MMP24: variants seen among roughly 807,000 people sequenced by gnomAD.
MMP24 encodes the protein matrix metallopeptidase 24, also known as matrix metalloproteinase-24.
A neutral mutation model predicts 62.8 loss-of-function variants in MMP24; 25 were observed. The observed-to-expected ratio is 0.40, with a 90% CI of 0.29 to 0.56. The LOEUF is 0.56. MMP24 is among the 20% of genes least tolerant of loss of function. The pLI is 0.50. For missense variants in MMP24, 634 were observed against 853.6 expected (o/e 0.74, Z 3.21); for synonymous variants, 319 against 350.5 (o/e 0.91, Z 1.00).
At position 35,276,812 on chromosome 20, in the gene MMP24, T is replaced by G. The variant is rs2060710884; in HGVS notation, c.*2203T>G. 1 of 153,052 alleles carries G rather than the reference T, an allele frequency of 6.5e-6. No homozygotes were observed. Among genetic ancestry groups the G allele is most frequent in the African/African-American group, 2.4e-5 (1 of 41,490 alleles). The allele number at this position is 153,052 out of a possible 1,614,324, so 9.5% of individuals were successfully genotyped here. ...GCTTCCAATCTCAGATTCTCCTGCC[T>G]GTGGTCATCTGTTTGTCCATCACCC... On this transcript the variant is annotated 3_prime_UTR_variant, in exon 9 of 9. Coordinates refer to ENST00000246186, the MANE Select transcript of MMP24 (RefSeq NM_006690.4).
chr20:35,274,074 C>G lies in MMP24; in HGVS notation c.1601-198C>G, dbSNP rs1187953429. ...TGGTTTCCTAGCACCCGTAGGATGA[C>G]AGGCGGACCACTCCAGGTCCCGGGT... On this transcript the variant is annotated intron_variant, in intron 8 of 8. Transcript: ENST00000246186. This position sits in a 1 kb window ranked among gnomAD's most constrained non-coding sequence, Gnocchi z 5.1. Among the ~76,000 whole-genome samples, 2 of 152,176 alleles carry G rather than the reference C, an allele frequency of 1.3e-5. No individual in the cohort carries two copies. Among genetic ancestry groups the G allele is most frequent in the African/African-American group, 4.8e-5 (2 of 41,448 alleles).
At chr20:35,253,270 C>CTTTTTTTTTTTTTTTTTTTTTTTT (rs34474017) in intron 3 of MMP24, among the ~76,000 whole-genome samples, 1 of 79,078 alleles carries the variant, frequency 1.3e-5, no homozygotes, top group African/African-American at 5.8e-5. Flanking sequence ...CAGAACGGGA[C>CTTTTTTTTTTTTTTTTTTTTTTTT]TTTTTTTTTT....
At chr20:35,258,947 A>AGGG (rs370996354) in intron 4 of MMP24, among the ~76,000 whole-genome samples, 66 of 152,058 alleles carry the variant, frequency 4.3e-4, no homozygotes, top group African/African-American at 1.4e-3. Flanking sequence ...TGGGAGGCCG[A>AGGG]GGGGGGGCAG....
chr20:35,244,493 T>A (rs1457472236), intron 1 of MMP24, among the ~76,000 whole-genome samples: 1 of 152,122 alleles, frequency 6.6e-6, no homozygotes, highest in East Asian at 1.9e-4. Flanking sequence ...CCAGCTCGAG[T>A]GTAATGGCGT....
intron 4 of MMP24, among the ~76,000 whole-genome samples, chr20:35,262,244 C>T (rs1171015585): frequency 6.6e-6 from 1 of 152,120 alleles, no homozygotes; most frequent in Non-Finnish European, 1.5e-5. Flanking sequence ...ACCCAGGGAA[C>T]CAGCGCTCAC....
chr20:35,271,714 C>T lies in MMP24; in HGVS notation c.1479C>T (p.Gly493=), dbSNP rs781727315. 1.7e-5 allele frequency: 27 copies of T among 1,606,568 alleles called. No homozygotes were observed. Among genetic ancestry groups the T allele is most frequent in the South Asian group, 4.5e-5 (4 of 89,618 alleles). Residue 493 remains glycine, a synonymous_variant, in exon 8 of 9, where the codon GGC becomes GGT. Transcript: ENST00000246186. The surrounding 1 kb of genome is among the most constrained non-coding windows in gnomAD (Gnocchi z 4.0). ...TGGGCAAGACCTACTTTTTCAAAGG[C>T]GAGCGGTACTGGCGCTACAGCGAGG... ...EPVGKTYFFK[G]ERYWRYSEER...
chr20:35,242,160 C>T (rs1425638773), intron 1 of MMP24, among the ~76,000 whole-genome samples: 1 of 152,020 alleles, frequency 6.6e-6, no homozygotes, highest in African/African-American at 2.4e-5. Context: ...GGTGAAACCC[C>T]GTCCCTACTA....
chr20:35,257,387 C>T (rs548277444), intron 4 of MMP24, among the ~76,000 whole-genome samples: 3 of 152,098 alleles, frequency 2.0e-5, no homozygotes, highest in South Asian at 2.1e-4. Flanking sequence ...ATTTTTGGAT[C>T]GGTGTCAACG....
rs1335415501 is a variant in MMP24 at position 35,276,469 on chromosome 20, G to A, written c.*1860G>A. 6 of 396,240 alleles carry A rather than the reference G, an allele frequency of 1.5e-5. No individual in the cohort carries two copies. Among genetic ancestry groups the A allele is most frequent in the Non-Finnish European group, 2.7e-5 (6 of 224,826 alleles). 24.5% of individuals were successfully genotyped at this position (396,240 alleles called of 1,614,324 possible). ...GTGCCCTCAGATGAAGCACAGAGAGGTTGTTACTTGCCCGGGCCATCCAGT... is the reference window on the plus strand; with the variant it reads ...GTGCCCTCAGATGAAGCACAGAGAGATTGTTACTTGCCCGGGCCATCCAGT... On this transcript the variant is annotated 3_prime_UTR_variant, in exon 9 of 9. Transcript: ENST00000246186.
Position 35,274,361 on chromosome 20 carries a change from C to A in MMP24, c.1690C>A (p.Arg564Ser), listed in dbSNP as rs747017137. Reference protein sequence around the residue: ...VEPGYPRNILRDWMGCNQKEV... With the variant: ...VEPGYPRNILSDWMGCNQKEV... ...GCCAGGCTACCCGCGCAACATCCTG[C>A]GTGACTGGATGGGCTGCAACCAGAA... The change falls in exon 9 of 9, where the codon CGT becomes AGT. Residue 564 changes from arginine (R) to serine (S), a missense_variant. Around this residue, in one of 3 missense-constraint regions of MMP24, gnomAD observed 399 missense variants for 530.8 expected, o/e 0.75. Coordinates refer to ENST00000246186, the MANE Select transcript of MMP24 (RefSeq NM_006690.4). The surrounding 1 kb of genome is among the most constrained non-coding windows in gnomAD (Gnocchi z 5.1). 9 of 1,613,976 alleles carry A rather than the reference C, an allele frequency of 5.6e-6. No homozygotes were observed. Among genetic ancestry groups the A allele is most frequent in the Non-Finnish European group, 7.6e-6 (9 of 1,179,894 alleles).
At chr20:35,242,023 G>A (rs545085700) in intron 1 of MMP24, among the ~76,000 whole-genome samples, 23 of 152,188 alleles carry the variant, frequency 1.5e-4, no homozygotes, top group Non-Finnish European at 3.2e-4. Flanking sequence ...TTTTGGGGAT[G>A]TCTTGAGGCA....
At chr20:35,243,072 G>C (rs965228940) in intron 1 of MMP24, among the ~76,000 whole-genome samples, 3 of 152,106 alleles carry the variant, frequency 2.0e-5, no homozygotes, top group African/African-American at 7.2e-5. Flanking sequence ...CCAGCTACTT[G>C]GGAGGCTGAG....
In MMP24 at chr20:35,276,282, A is replaced by T; in HGVS notation, c.*1673A>T. The T allele has an allele frequency of 7.5e-6, 3 of 399,064 alleles. No individual in the cohort carries two copies. The allele number at this position is 399,064 out of a possible 1,614,324, so 24.7% of individuals were successfully genotyped here. On this transcript the variant is annotated 3_prime_UTR_variant, in exon 9 of 9. Transcript: ENST00000246186. Reference sequence around the variant, plus strand: ...ATCCTTGTTTTTTCTCATTTTGGCCAAGGGCAGGCTCCCTGGGACAGGCAG... The same window carrying T: ...ATCCTTGTTTTTTCTCATTTTGGCCTAGGGCAGGCTCCCTGGGACAGGCAG...
intron 7 of MMP24, among the ~76,000 whole-genome samples, chr20:35,270,358 C>T (rs969544263): frequency 6.6e-6 from 1 of 152,198 alleles, no homozygotes; most frequent in Admixed American, 6.5e-5. Flanking sequence ...GGAAGGCATT[C>T]CAGAGGGACA....
chr20:35,248,799 G>C (rs780011008), intron 2 of MMP24, among the ~76,000 whole-genome samples: 8 of 152,164 alleles, frequency 5.3e-5, no homozygotes, highest in Non-Finnish European at 1.0e-4. Context: ...TGGTTAAAGA[G>C]AGCCCAGCCG....
intron 1 of MMP24, among the ~76,000 whole-genome samples, chr20:35,239,159 G>A (rs1351529316): frequency 6.6e-6 from 1 of 151,472 alleles, no homozygotes; most frequent in African/African-American, 2.4e-5. Context: ...CGATTCTCCT[G>A]CCTCAGCCTC....
At chr20:35,256,169 T>C (rs2060573499) in intron 4 of MMP24, 1 of 152,228 alleles carries the variant, frequency 6.6e-6, no homozygotes, top group African/African-American at 2.4e-5. Flanking sequence ...CATAATTAAA[T>C]TTATGTATTA....
At chr20:35,248,850 C>T (rs1018702741) in intron 2 of MMP24, among the ~76,000 whole-genome samples, 1 of 152,140 alleles carries the variant, frequency 6.6e-6, no homozygotes, top group Non-Finnish European at 1.5e-5. Context: ...TTGCACAGGC[C>T]TCATGGCAGT....
chr20:35,249,593 T>TC (rs1172641338), intron 2 of MMP24, among the ~76,000 whole-genome samples: 1 of 125,248 alleles, frequency 8.0e-6, no homozygotes, highest in East Asian at 2.0e-4. Context: ...TAATAATTTC[T>TC]TTTTTTTTTT....
Sources: gnomAD v4.1 joint callset for allele counts (sites outside exome capture counted in the v4.1 genomes callset) on GRCh38, gnomAD v4.1.1 for gene constraint, gnomAD v4.1.1 regional missense constraint, Gnocchi (gnomAD v3.1) non-coding constraint, MANE v1.5 for transcripts, NCBI Gene and HGNC (gene_info 2026-07-23, HGNC 2026-07-21) for gene names.